The following MUC5B variants were observed in gnomAD, a reference collection of about 807,000 sequenced individuals.
The protein encoded by MUC5B is mucin-5B.
MUC5B carries 116 observed loss-of-function variants against 376.9 expected under a neutral mutation model. The ratio of observed to expected loss-of-function variants is 0.31; its 90% CI spans 0.26 to 0.36. The LOEUF is 0.36. Ranked by LOEUF, MUC5B falls within the 10% of genes least tolerant of loss-of-function variation. MUC5B has a pLI of 1.00. For synonymous variants in MUC5B, 3,517 were observed against 3,390.9 expected (o/e 1.04, Z -1.29); for missense variants, 7,165 against 7,769.9 (o/e 0.92, Z 2.93).
Position 1,233,007 on chromosome 11 carries a change from C to T in MUC5B, c.2066-6C>T, listed in dbSNP as rs746802421. 34 of 1,576,088 alleles carry T rather than the reference C, an allele frequency of 2.2e-5. No individual in the cohort carries two copies. The East Asian group carries it at 6.4e-4, about 30-fold the overall frequency. ...GACCTGTCCCCCCTGGCCCCACCGA[C>T]CACAGCCAAGTACATGCAGAACTGC... On this transcript the variant is annotated splice_region_variant and splice_polypyrimidine_tract_variant and intron_variant, in intron 17 of 48. Transcript: ENST00000529681.
rs71469862 is a variant in MUC5B, at chr11:1,245,889, C to G, written c.9009C>G (p.Thr3003=). ...AGCAGACCACAGCAGCCACTACGAC[C>G]GCAACCACTGGATCCACGGCCATCC... ...LTEQTTAATT[T]ATTGSTAIPS... The change falls in exon 31 of 49, where the codon ACC becomes ACG. Residue 3003 remains threonine, a synonymous_variant. Coordinates refer to ENST00000529681, the MANE Select transcript of MUC5B (RefSeq NM_002458.3). 3 of 1,598,792 alleles carry G rather than the reference C, an allele frequency of 1.9e-6. No homozygotes were observed. The highest frequency in any genetic ancestry group is 2.2e-5 in the South Asian group (2 of 90,758).
At position 1,227,303 on chromosome 11, in the gene MUC5B, C is replaced by G; in HGVS notation, c.577-5C>G. ...GAGGCTGGAGCTGCCCCTCCCCACT[C>G]TCAGCTGGAGCTGGATCCCAAATAC... is the stretch of plus-strand genomic sequence containing the variant. On this transcript the variant is annotated splice_polypyrimidine_tract_variant and splice_region_variant and intron_variant, in intron 5 of 48. Transcript: ENST00000529681. 1 of 1,611,626 alleles carries G rather than the reference C, an allele frequency of 6.2e-7. No homozygotes were observed. The highest frequency in any genetic ancestry group is 2.2e-5 in the East Asian group (1 of 44,860).
chr11:1,235,465 GC>G, intron 23 of MUC5B, 52 bp downstream of exon 23: 5 of 1,496,586 alleles, frequency 3.3e-6, no homozygotes, highest in African/African-American at 1.4e-5. Context: ...CAACGAGCCG[GC>G]CCCCAGGGAA....
chr11:1,225,836 C>CT (rs1319375190), intron 2 of MUC5B, 99 bp downstream of exon 2: 6 of 1,168,876 alleles, frequency 5.1e-6, no homozygotes, highest in Admixed American at 2.1e-5. Context: ...AGCCATGCGT[C>CT]TGACAGAGAC....
rs1031139806 is a variant in MUC5B at position 1,223,186 on chromosome 11, G to A, written c.63G>A (p.Pro21=). Residue 21 remains proline, a synonymous_variant, in exon 1 of 49, where the codon CCG becomes CCA. Transcript: ENST00000529681. ...VLALAAMLVV[P]QAETQGPVEP... ...CTCTGGCGGCCATGCTCGTGGTGCC[G>A]CAGGCAGGTAAGAGCCCCCCACTCC... 25 of 710,718 alleles carry A rather than the reference G, an allele frequency of 3.5e-5. No homozygotes were observed. Among genetic ancestry groups the A allele is most frequent in the Admixed American group, 6.0e-5 (3 of 49,950 alleles). 44.0% of individuals were successfully genotyped at this position (710,718 alleles called of 1,614,324 possible). A position where few individuals can be genotyped will look rare whatever the true frequency, so the allele number is the denominator to read the frequency against.
rs1480533581 is a variant in MUC5B, at chr11:1,241,530, G to A, written c.4650G>A (p.Gln1550=). Residue 1550 remains glutamine (Q), a synonymous_variant, in exon 31 of 49, where the codon CAG becomes CAA. Coordinates refer to ENST00000529681, the MANE Select transcript of MUC5B (RefSeq NM_002458.3). ...LCQQPKDIEC[Q]AESFPNWTLA... ...AGCAGCCTAAGGACATAGAGTGCCAGGCCGAGAGCTTCCCCAACTGGACCC... is the reference window on the plus strand; with the variant it reads ...AGCAGCCTAAGGACATAGAGTGCCAAGCCGAGAGCTTCCCCAACTGGACCC... 2 of 1,612,948 alleles carry A rather than the reference G, an allele frequency of 1.2e-6. No homozygotes were observed. Among genetic ancestry groups the A allele is most frequent in the Non-Finnish European group, 1.7e-6 (2 of 1,179,656 alleles).
At chr11:1,259,132 T>C (rs56225362) in intron 44 of MUC5B, 71 bp downstream of exon 44, 56,519 of 1,369,706 alleles carry the variant, frequency 0.041, 1,588 homozygotes, top group African/African-American at 0.1. Context: ...CCGAGGCACC[T>C]GCCCCCAGGT....
Position 1,246,512 on chromosome 11 carries a change from C to T in MUC5B, c.9632C>T (p.Thr3211Ile), listed in dbSNP as rs748430952. ...TTPTVISSRA[T>I]PSSSPGTATA... The stretch of plus-strand genomic sequence containing the variant: ...CCCACAGTCATCAGCTCCAGAGCCA[C>T]TCCCTCCTCCAGTCCAGGGACTGCA... The change falls in exon 31 of 49, where the codon ACT becomes ATT. Residue 3211 changes from threonine (T) to isoleucine (I), a missense_variant. Thr to Ile is a moderately conservative substitution (Grantham distance 89). Transcript: ENST00000529681. The T allele has an allele frequency of 1.2e-6, 2 of 1,613,252 alleles. No homozygotes were observed. The highest frequency in any genetic ancestry group is 2.2e-5 in the South Asian group (2 of 91,042).
At position 1,251,667 on chromosome 11, in the gene MUC5B, G is replaced by T. The variant is rs370584503; in HGVS notation, c.14787G>T (p.Leu4929=). The part of the protein sequence containing the change: ...STVSSSVLTT[L]RPTGFPSSHF... ...TGTCCTCCTCAGTCCTCACCACCCT[G>T]AGACCCACTGGCTTCCCCAGCTCCC... Residue 4929 remains leucine (L), a synonymous_variant, in exon 31 of 49, where the codon CTG becomes CTT. Transcript: ENST00000529681. 1 of 1,613,050 alleles carries T rather than the reference G, an allele frequency of 6.2e-7. No individual in the cohort carries two copies.
At position 1,246,939 on chromosome 11, in the gene MUC5B, G is replaced by A. The variant is rs555601780; in HGVS notation, c.10059G>A (p.Pro3353=). 4.8e-5 allele frequency: 77 copies of A among 1,607,122 alleles called. No individual in the cohort carries two copies. Among genetic ancestry groups the A allele is most frequent in the Admixed American group, 1.5e-4 (9 of 59,312 alleles). ...CCACGGTGACCCCCTCCTCCATCCC[G>A]GGGACCACCCACACCGCCACAGTGC... ...RGSTVTPSSI[P]GTTHTATVLT... The change falls in exon 31 of 49, where the codon CCG becomes CCA. Residue 3353 remains proline (P), a synonymous_variant. Transcript: ENST00000529681.
chr11:1,243,183 C>T lies in MUC5B; in HGVS notation c.6303C>T (p.Thr2101=), dbSNP rs746289984. 6.9e-5 allele frequency: 111 copies of T among 1,601,978 alleles called. No homozygotes were observed. Among genetic ancestry groups the T allele is most frequent in the African/African-American group, 4.7e-4 (35 of 74,320 alleles). ...CCTCCATCCCGGGGACCACCCACACCGCCACAGTGCTGACCACCACCACCA... is the reference window on the plus strand; with the variant it reads ...CCTCCATCCCGGGGACCACCCACACTGCCACAGTGCTGACCACCACCACCA... ...TPSSIPGTTH[T]ATVLTTTTTT... is the part of the protein sequence containing the mutation. The change falls in exon 31 of 49, where the codon ACC becomes ACT. Residue 2101 remains threonine, a synonymous_variant. Transcript: ENST00000529681.
In MUC5B at chr11:1,230,499, G is replaced by A. The variant is rs777572734; in HGVS notation, c.1369G>A (p.Asp457Asn). The A allele has an allele frequency of 2.3e-5, 37 of 1,606,718 alleles. No homozygotes were observed. The Middle Eastern group carries it at 6.6e-4, about 29-fold the overall frequency. ...GGGTCCTTCTCCCCAGAAATGTGCC[G>A]ACAGCAGCTTCACCGTGCTGGCTGA... is the stretch of plus-strand genomic sequence containing the variant. ...CSYVLSKKCA[D>N]SSFTVLAELR... The change falls in exon 12 of 49, where the codon GAC (aspartate) becomes AAC (asparagine). Residue 457 changes from aspartate (D) to asparagine (N), a missense_variant. By Grantham distance (23) the Asp-to-Asn change is conservative. This residue lies in a region of MUC5B where 640 missense variants were observed against 733.0 expected (regional missense o/e 0.87). Coordinates refer to ENST00000529681, the MANE Select transcript of MUC5B (RefSeq NM_002458.3).
intron 4 of MUC5B, 65 bp from the exon 5 acceptor site, chr11:1,226,966 G>GT (rs1861900597): frequency 2.5e-6 from 4 of 1,569,668 alleles, no homozygotes; most frequent in Non-Finnish European, 2.6e-6. Context: ...CAGGGCTGGG[G>GT]GGGGGTTGGG....
rs1490181859 is a variant in MUC5B at position 1,258,942 on chromosome 11, G to A, written c.16594G>A (p.Val5532Ile). Residue 5532 changes from valine (V) to isoleucine (I), a missense_variant and splice_region_variant, in exon 44 of 49, where the codon GTT becomes ATT. By Grantham distance (29) the Val-to-Ile change is conservative (BLOSUM62 3). Coordinates refer to ENST00000529681, the MANE Select transcript of MUC5B (RefSeq NM_002458.3). The surrounding 1 kb of genome is among the most constrained non-coding windows in gnomAD (Gnocchi z 5.5). ...AGTGCCACCCTCCCACCCCTTGCAG[G>A]TTGGTGCAACCTTCCCAGGCGCCCT... is the stretch of plus-strand genomic sequence containing the variant. ...LCSYNGTFYG[V>I]GATFPGALPC... The A allele has an allele frequency of 2.6e-5, 40 of 1,551,044 alleles. No individual in the cohort carries two copies. Among genetic ancestry groups the A allele is most frequent in the Non-Finnish European group, 3.5e-5 (40 of 1,147,490 alleles).
chr11:1,240,879 T>C lies in MUC5B; in HGVS notation c.3999T>C (p.Cys1333=), dbSNP rs907305655. ...CGGCCCTCCCGGTCTCCACCGTGTG[T>C]GTCCGCGAGGTCTGCCGCTGGTCCA... ...TSPALPVSTV[C]VREVCRWSSW... Residue 1333 remains cysteine, a synonymous_variant, in exon 31 of 49, where the codon TGT becomes TGC. Transcript: ENST00000529681. 1.2e-6 allele frequency: 2 copies of C among 1,611,668 alleles called. No homozygotes were observed.
At position 1,237,142 on chromosome 11, in the gene MUC5B, C is replaced by A. The variant is rs1196214997; in HGVS notation, c.3275C>A (p.Thr1092Asn). The A allele has an allele frequency of 5.6e-6, 8 of 1,431,840 alleles. No individual in the cohort carries two copies. Among genetic ancestry groups the A allele is most frequent in the Admixed American group, 2.6e-5 (1 of 38,154 alleles). 88.7% of individuals were successfully genotyped at this position (1,431,840 alleles called of 1,614,324 possible). ...CAGTGCAGCATCCTCCACGGCCCCACCTTCGCCGCCTGCCGCTCCCAGGTG... is the reference window on the plus strand; with the variant it reads ...CAGTGCAGCATCCTCCACGGCCCCAACTTCGCCGCCTGCCGCTCCCAGGTG... ...QKQCSILHGP[T>N]FAACRSQVDS... The change falls in exon 25 of 49, where the codon ACC (threonine) becomes AAC (asparagine). Residue 1092 changes from threonine to asparagine, a missense_variant. Physicochemically the swap from Thr to Asn is moderately conservative, Grantham distance 65. Around this residue, in one of 31 missense-constraint regions of MUC5B, gnomAD observed 143 missense variants for 193.2 expected, o/e 0.74. Transcript: ENST00000529681.
At chr11:1,238,201 G>A (rs918220893) in intron 25 of MUC5B, among the ~76,000 whole-genome samples, 5 of 152,196 alleles carry the variant, frequency 3.3e-5, no homozygotes, top group Admixed American at 2.0e-4. Flanking sequence ...TCAGCTCCCC[G>A]CGTGGCTGGT....
intron 3 of MUC5B, 155 bp downstream of exon 3, chr11:1,226,431 G>A (rs1861883691): frequency 3.9e-6 from 5 of 1,276,794 alleles, no homozygotes; most frequent in Admixed American, 4.0e-5. Flanking sequence ...TGGCCACCCT[G>A]GGGGATGGGG....
In MUC5B at chr11:1,235,374, C is replaced by T. The variant is rs781662127; in HGVS notation, c.2841C>T (p.Thr947=). ...IVTENIPCGT[T]GTTCSKAIKL... is the part of the protein sequence containing the mutation. ...CCGAGAACATCCCCTGTGGGACCAC[C>T]GGCACCACCTGCTCCAAGGCCATCA... Residue 947 remains threonine, a synonymous_variant, in exon 23 of 49, where the codon ACC becomes ACT. Transcript: ENST00000529681. The T allele has an allele frequency of 2.3e-5, 37 of 1,612,602 alleles. No individual in the cohort carries two copies. Among genetic ancestry groups the T allele is most frequent in the African/African-American group, 1.7e-4 (13 of 74,984 alleles).
Sources: gnomAD v4.1 joint callset for allele counts (sites outside exome capture counted in the v4.1 genomes callset) on GRCh38, gnomAD v4.1.1 for gene constraint, gnomAD v4.1.1 regional missense constraint, Gnocchi (gnomAD v3.1) non-coding constraint, MANE v1.5 for transcripts, NCBI Gene and HGNC (gene_info 2026-07-23, HGNC 2026-07-21) for gene names.